ADAM23: variants seen among roughly 807,000 people sequenced by gnomAD.
ADAM23 encodes the protein ADAM metallopeptidase domain 23, also known as disintegrin and metalloproteinase domain-containing protein 23.
In ADAM23, 33 loss-of-function variants were observed where a neutral mutation model predicts 120.1. The observed-to-expected ratio is 0.27, with a 90% CI of 0.21 to 0.37. The LOEUF is 0.37. Ranked by LOEUF, ADAM23 falls within the 10% of genes least tolerant of loss-of-function variation. The probability of loss-of-function intolerance (pLI) is 1.00; values close to 1 mark genes in which losing one functional copy is unlikely to be tolerated. For missense variants in ADAM23, 862 were observed against 1,058.2 expected (o/e 0.81, Z 2.57); for synonymous variants, 367 against 375.2 (o/e 0.98, Z 0.25).
chr2:206,496,835 A>G (rs1696261436), intron 3 of ADAM23, among the ~76,000 whole-genome samples: 2 of 152,228 alleles, frequency 1.3e-5, no homozygotes, highest in South Asian at 4.1e-4. Context: ...CACCGATCCC[A>G]CAGAAATACA....
At chr2:206,538,284 A>G (rs991019919) in intron 4 of ADAM23, among the ~76,000 whole-genome samples, 10 of 152,122 alleles carry the variant, frequency 6.6e-5, no homozygotes, top group African/African-American at 2.4e-4. Context: ...TTATTTCCTT[A>G]TTCTGCAGTA....
At chr2:206,523,027 C>T (rs969916010) in intron 3 of ADAM23, among the ~76,000 whole-genome samples, 3 of 152,112 alleles carry the variant, frequency 2.0e-5, no homozygotes, top group East Asian at 3.9e-4. Flanking sequence ...TGATACCACC[C>T]TCCTCAGAAG....
chr2:206,534,608 TATAAA>T (rs1697134835), intron 4 of ADAM23, among the ~76,000 whole-genome samples: 2 of 152,206 alleles, frequency 1.3e-5, no homozygotes, highest in African/African-American at 4.8e-5. Context: ...TTTCAGTTCT[TATAAA>T]ATAATAAGCA....
At chr2:206,462,046 C>G (rs1273309589) in intron 2 of ADAM23, among the ~76,000 whole-genome samples, 1 of 152,076 alleles carries the variant, frequency 6.6e-6, no homozygotes, top group Non-Finnish European at 1.5e-5. Flanking sequence ...CGATTTATCA[C>G]TAGGAAGTCC....
intron 21 of ADAM23, among the ~76,000 whole-genome samples, chr2:206,591,376 G>A (rs1180554889): frequency 1.3e-5 from 2 of 152,060 alleles, no homozygotes; most frequent in Non-Finnish European, 2.9e-5. Flanking sequence ...TTTACTGCCT[G>A]TTTTCATCCC....
intron 13 of ADAM23, among the ~76,000 whole-genome samples, chr2:206,563,664 G>A (rs1191762368): frequency 6.6e-6 from 1 of 152,068 alleles, no homozygotes; most frequent in Non-Finnish European, 1.5e-5. Flanking sequence ...GTTGCATGAT[G>A]GAATAGGGTG....
intron 3 of ADAM23, 22 bp from the exon 4 acceptor site, chr2:206,530,863 C>T: frequency 6.2e-7 from 1 of 1,607,826 alleles, no homozygotes; most frequent in Non-Finnish European, 8.5e-7. Context: ...GCAGAAATCA[C>T]TCTATTTTCT....
intron 9 of ADAM23, among the ~76,000 whole-genome samples, chr2:206,554,734 A>G (rs191789535): frequency 6.6e-6 from 1 of 152,172 alleles, no homozygotes; most frequent in Non-Finnish European, 1.5e-5. Flanking sequence ...ATTTGGGGAT[A>G]ATAAAACCCA....
At chr2:206,575,548 G>T (rs1266038459) in intron 18 of ADAM23, among the ~76,000 whole-genome samples, 1 of 152,062 alleles carries the variant, frequency 6.6e-6, no homozygotes, top group Non-Finnish European at 1.5e-5. Context: ...CTAAAAATGG[G>T]GTTACCTGTT....
chr2:206,577,067 G>A (rs2105836265), intron 18 of ADAM23, among the ~76,000 whole-genome samples: 1 of 152,234 alleles, frequency 6.6e-6, no homozygotes. Flanking sequence ...CCACTCATAA[G>A]CAGAATAAAG....
chr2:206,484,295 A>T (rs1174207033), intron 3 of ADAM23, among the ~76,000 whole-genome samples: 3 of 152,114 alleles, frequency 2.0e-5, no homozygotes, highest in Non-Finnish European at 4.4e-5. Context: ...CTTGAGGAAA[A>T]TGACAAAATT....
chr2:206,509,376 A>G lies in ADAM23; in HGVS notation c.510-21509A>G, dbSNP rs138735213. Among the ~76,000 whole-genome samples the G allele has an allele frequency of 3.2e-3, 482 of 152,336 alleles. 5 individuals carry two copies. Among genetic ancestry groups the G allele is most frequent in the African/African-American group, 0.011 (459 of 41,558 alleles). The stretch of plus-strand genomic sequence containing the variant: ...TTCTATAATGATATTTTAAATATAA[A>G]TGATTAAATTTAACAAAATTTGAAT... On this transcript the variant is annotated intron_variant, in intron 3 of 25. Transcript: ENST00000264377.
chr2:206,535,014 A>G (rs1360509416), intron 4 of ADAM23, among the ~76,000 whole-genome samples: 1 of 148,496 alleles, frequency 6.7e-6, no homozygotes, highest in Non-Finnish European at 1.5e-5. Context: ...CATTCTCTCC[A>G]CCTTTCTCTT....
chr2:206,506,508 C>T (rs1211068492), intron 3 of ADAM23, among the ~76,000 whole-genome samples: 5 of 152,196 alleles, frequency 3.3e-5, no homozygotes, highest in Non-Finnish European at 7.3e-5. Context: ...AGTCTTTCTC[C>T]AGGCCTTGTC....
intron 9 of ADAM23, among the ~76,000 whole-genome samples, chr2:206,555,278 T>C (rs1050932126): frequency 1.3e-5 from 2 of 152,214 alleles, no homozygotes; most frequent in Non-Finnish European, 2.9e-5. Context: ...TAGTCTCTCT[T>C]ATTATTTTAA....
At chr2:206,486,942 A>G (rs1394860771) in intron 3 of ADAM23, among the ~76,000 whole-genome samples, 1 of 152,136 alleles carries the variant, frequency 6.6e-6, no homozygotes, top group Non-Finnish European at 1.5e-5. Flanking sequence ...GTCTCCATGC[A>G]TTCGCGTCCT....
At chr2:206,528,426 T>C (rs1402910119) in intron 3 of ADAM23, among the ~76,000 whole-genome samples, 2 of 152,222 alleles carry the variant, frequency 1.3e-5, no homozygotes, top group Admixed American at 6.5e-5. Context: ...TGTAGAATTA[T>C]CCTTCAGTAC....
At chr2:206,477,004 TTAGA>T (rs1695788442) in intron 2 of ADAM23, among the ~76,000 whole-genome samples, 2 of 152,206 alleles carry the variant, frequency 1.3e-5, no homozygotes, top group South Asian at 4.1e-4. Flanking sequence ...ATTTTTATGA[TTAGA>T]TATAGAGTTA....
chr2:206,495,006 A>T (rs923960852), intron 3 of ADAM23, among the ~76,000 whole-genome samples: 1 of 152,208 alleles, frequency 6.6e-6, no homozygotes, highest in African/African-American at 2.4e-5. Context: ...ATGTGAAAAG[A>T]CCAAATCTAC....
Sources: allele counts gnomAD v4.1 joint callset (sites outside exome capture counted in the v4.1 genomes callset), GRCh38; gene constraint gnomAD v4.1.1; transcripts MANE v1.5; gene names NCBI Gene and HGNC (gene_info 2026-07-23, HGNC 2026-07-21).